POU2F3: variants seen among roughly 807,000 people sequenced by gnomAD.
POU2F3 encodes POU domain, class 2, transcription factor 3.
In POU2F3, 23 loss-of-function variants were observed where a neutral mutation model predicts 59.2. The ratio of observed to expected loss-of-function variants is 0.39; its 90% CI spans 0.28 to 0.55. The LOEUF (loss-of-function observed/expected upper bound fraction) is 0.55. Among genes scored for constraint, POU2F3 ranks in the 20% least tolerant of loss-of-function variants. POU2F3 has a pLI of 0.66. For synonymous variants in POU2F3, 190 were observed against 214.6 expected (o/e 0.89, Z 1.00); for missense variants, 473 against 544.5 (o/e 0.87, Z 1.31).
rs192295074 is a variant in POU2F3 at position 120,282,878 on chromosome 11, G to T, written c.132+13634G>T. 1.9e-3 allele frequency among the ~76,000 whole-genome samples: 294 copies of T among 152,304 alleles called. 1 individual carries two copies. Among genetic ancestry groups the T allele is most frequent in the African/African-American group, 6.8e-3 (281 of 41,570 alleles). On this transcript the variant is annotated intron_variant, in intron 3 of 12. Coordinates refer to ENST00000543440, the MANE Select transcript of POU2F3 (RefSeq NM_014352.4). ...CTTAACCTAGGCCATCACTGTGGAT[G>T]GTTTCATCTGAGGGCTTGGAAGTGG...
At chr11:120,289,359 T>A (rs1940939455) in intron 3 of POU2F3, among the ~76,000 whole-genome samples, 1 of 152,164 alleles carries the variant, frequency 6.6e-6, no homozygotes, top group Non-Finnish European at 1.5e-5. Context: ...GCAATTGCGG[T>A]AAATAGCTTT....
intron 10 of POU2F3, among the ~76,000 whole-genome samples, chr11:120,311,663 C>T (rs1941650920): frequency 6.6e-6 from 1 of 152,134 alleles, no homozygotes; most frequent in Non-Finnish European, 1.5e-5. Flanking sequence ...GCAGGATACC[C>T]ATGTGGGAAT....
At position 120,316,039 on chromosome 11, in the gene POU2F3, A is replaced by AT. The variant is rs577500496; in HGVS notation, c.1135+618dup. Among the ~76,000 whole-genome samples the AT allele has an allele frequency of 2.7e-4, 41 of 151,806 alleles. No homozygotes were observed. In the South Asian group the frequency reaches 7.7e-3, roughly 29 times the overall value. ...AGGCGTGTGCCACCACGCTCGGCTG[A>AT]TTTTTTGTATTTTTAGTAGAGACAG... On this transcript the variant is annotated intron_variant, in intron 11 of 12. Transcript: ENST00000543440.
At chr11:120,316,026 C>T (rs1037879718) in intron 11 of POU2F3, among the ~76,000 whole-genome samples, 1 of 152,156 alleles carries the variant, frequency 6.6e-6, no homozygotes, top group Non-Finnish European at 1.5e-5. Context: ...GCGTGTGCCA[C>T]CACGCTCGGC....
chr11:120,236,710 AAAG>A (rs1938509120), upstream of POU2F3: 3 of 1,487,144 alleles, frequency 2.0e-6, 1 homozygote, highest in South Asian at 3.6e-5. Flanking sequence ...AGGAAGGGGT[AAAG>A]GAGTTCTCTA....
At chr11:120,257,592 T>C (rs915147993) in intron 2 of POU2F3, among the ~76,000 whole-genome samples, 2 of 152,064 alleles carry the variant, frequency 1.3e-5, no homozygotes, top group Non-Finnish European at 2.9e-5. Context: ...ACTCCAGCCC[T>C]GGGGACACCA....
At chr11:120,287,469 G>T (rs1219359504) in intron 3 of POU2F3, among the ~76,000 whole-genome samples, 1 of 152,158 alleles carries the variant, frequency 6.6e-6, no homozygotes, top group Non-Finnish European at 1.5e-5. Flanking sequence ...AATAAGGAAA[G>T]CCCTCCCTGG....
At chr11:120,245,646 CA>C (rs1480231452) in intron 1 of POU2F3, among the ~76,000 whole-genome samples, 1 of 152,190 alleles carries the variant, frequency 6.6e-6, no homozygotes, top group Non-Finnish European at 1.5e-5. Flanking sequence ...GGGCCTCCCA[CA>C]TAGGTGGTGG....
At position 120,288,125 on chromosome 11, in the gene POU2F3, AACC is replaced by A. The variant is rs1388694342; in HGVS notation, c.133-10138_133-10136del. Among the ~76,000 whole-genome samples the A allele has an allele frequency of 1.7e-3, 88 of 52,324 alleles. 1 individual carries two copies. In the East Asian group the frequency reaches 0.14, roughly 81 times the overall value. The allele number at this position is 52,324 out of a possible 152,430, so 34.3% of individuals were successfully genotyped here. ...AAGAAAGAAAGAAAACAAACAAAAA[AACC>A]AAAAAAAAAAAAAAAAAAAACAAGA... On this transcript the variant is annotated intron_variant, in intron 3 of 12. Transcript: ENST00000543440.
At chr11:120,298,675 A>G (rs1230910594) in intron 4 of POU2F3, among the ~76,000 whole-genome samples, 3 of 152,164 alleles carry the variant, frequency 2.0e-5, no homozygotes, top group Non-Finnish European at 4.4e-5. Context: ...CATTCAGGGG[A>G]ATCCTAGGTT....
chr11:120,309,520 AAAGGAGAAGCGAATC>A lies in POU2F3; in HGVS notation c.1005_1019del (p.Lys335_Ile339del). On this transcript the variant is annotated inframe_deletion, in exon 10 of 13. Coordinates refer to ENST00000543440, the MANE Select transcript of POU2F3 (RefSeq NM_014352.4). ...GGGTCTGGTTCTGCAACCGACGCCA[AAAGGAGAAGCGAATC>A]AACTGCCCTGTGGCCACACCCATCA... The A allele has an allele frequency of 6.2e-7, 1 of 1,614,108 alleles. No individual in the cohort carries two copies. Among genetic ancestry groups the A allele is most frequent in the Non-Finnish European group, 8.5e-7 (1 of 1,180,026 alleles).
chr11:120,265,375 GC>G (rs66471649), intron 2 of POU2F3: 62,301 of 151,850 alleles, frequency 0.41, 15,108 homozygotes, highest in East Asian at 0.99. Context: ...CTCCGGCAGC[GC>G]TAGGGGCCAG....
At chr11:120,272,073 G>T (rs375403451) in intron 3 of POU2F3, among the ~76,000 whole-genome samples, 24 of 152,240 alleles carry the variant, frequency 1.6e-4, no homozygotes, top group African/African-American at 5.8e-4. Flanking sequence ...CACAGCAAGG[G>T]AAGCAAACTA....
chr11:120,273,862 C>A (rs138488120), intron 3 of POU2F3, among the ~76,000 whole-genome samples: 5,313 of 151,974 alleles, frequency 0.035, 162 homozygotes, highest in Admixed American at 0.1. Context: ...CTAAAAAATA[C>A]AAAAATTAGC....
chr11:120,282,430 C>T lies in POU2F3; in HGVS notation c.132+13186C>T, dbSNP rs542675797. 3.0e-4 allele frequency among the ~76,000 whole-genome samples: 46 copies of T among 152,320 alleles called. No individual in the cohort carries two copies. The South Asian group carries it at 8.1e-3, about 27-fold the overall frequency. Reference sequence around the variant, plus strand: ...CAGCACTTTGAGAGGCTGAGGCTGGCGGATCACTTGAGGCTAGGAGTTCAA... The same window carrying T: ...CAGCACTTTGAGAGGCTGAGGCTGGTGGATCACTTGAGGCTAGGAGTTCAA... On this transcript the variant is annotated intron_variant, in intron 3 of 12. Transcript: ENST00000543440.
At position 120,298,472 on chromosome 11, in the gene POU2F3, G is replaced by T. The variant is rs543596569; in HGVS notation, c.258+82G>T. On this transcript the variant is annotated intron_variant, in intron 4 of 12. Coordinates refer to ENST00000543440, the MANE Select transcript of POU2F3 (RefSeq NM_014352.4). ...TGCTCGACTTCCATGCTTGGTACTC[G>T]TCTAAAGAACCCCCTGCAGGCAATG... 27 of 1,567,986 alleles carry T rather than the reference G, an allele frequency of 1.7e-5. No individual in the cohort carries two copies. The South Asian group carries it at 2.9e-4, about 17-fold the overall frequency.
Position 120,297,739 on chromosome 11 carries a change from A to G in POU2F3, c.133-526A>G. Among the ~76,000 whole-genome samples, 2 of 152,088 alleles carry G rather than the reference A, an allele frequency of 1.3e-5. 1 individual carries two copies. Among genetic ancestry groups the G allele is most frequent in the Non-Finnish European group, 2.9e-5 (2 of 67,942 alleles). ...TTTAACCTTCTTCCTCCTAAGAAAA[A>G]AAAGAATATCATCTCAGAATTTCTA... On this transcript the variant is annotated intron_variant, in intron 3 of 12. Coordinates refer to ENST00000543440, the MANE Select transcript of POU2F3 (RefSeq NM_014352.4).
At chr11:120,304,241 G>A (rs969562769) in intron 6 of POU2F3, 5 of 148,854 alleles carry the variant, frequency 3.4e-5, no homozygotes, top group African/African-American at 1.3e-4. Context: ...TGAGGCAGGA[G>A]AATGACTTAA....
At chr11:120,309,331 T>A in intron 9 of POU2F3, 94 bp from the exon 10 acceptor site, 2 of 1,295,666 alleles carry the variant, frequency 1.5e-6, no homozygotes, top group Non-Finnish European at 2.1e-6. Flanking sequence ...AAGCTTTTGA[T>A]CCATGTATAG....
Sources: gnomAD v4.1 joint callset for allele counts (sites outside exome capture counted in the v4.1 genomes callset) on GRCh38, gnomAD v4.1.1 for gene constraint, MANE v1.5 for transcripts, NCBI Gene and HGNC (gene_info 2026-07-23, HGNC 2026-07-21) for gene names.